NAP1L4: variants seen among roughly 807,000 people sequenced by gnomAD.
NAP1L4 encodes nucleosome assembly protein 1 like 4, also known as nucleosome assembly protein 1-like 4.
Under a neutral mutation model 58.2 loss-of-function variants are expected in NAP1L4, and 15 were observed. The observed-to-expected ratio is 0.26, with a 90% CI of 0.17 to 0.40. The LOEUF (loss-of-function observed/expected upper bound fraction) is 0.40, where lower values mean the gene tolerates loss of function less well. Ranked by LOEUF, NAP1L4 falls within the 10% of genes least tolerant of loss-of-function variation. The probability of loss-of-function intolerance (pLI) is 1.00; values close to 1 mark genes in which losing one functional copy is unlikely to be tolerated. For synonymous variants in NAP1L4, 171 were observed against 155.6 expected (o/e 1.10, Z -0.74); for missense variants, 384 against 451.1 (o/e 0.85, Z 1.35).
At chr11:2,972,946 G>C (rs528024508) in intron 4 of NAP1L4, among the ~76,000 whole-genome samples, 5 of 152,256 alleles carry the variant, frequency 3.3e-5, no homozygotes, top group African/African-American at 9.6e-5. Flanking sequence ...ACTCCAGCCT[G>C]GGAAACAGAG....
Position 2,955,410 on chromosome 11 carries a change from T to G in NAP1L4, c.915+334A>C, listed in dbSNP as rs1846478186. ...AAGCAGAAACGGGGTTTCACCATGT[T>G]GACCAGACTGGTCTTGAACTCCTGA... On this transcript the variant is annotated intron_variant, in intron 11 of 15. Coordinates refer to ENST00000380542, the MANE Select transcript of NAP1L4 (RefSeq NM_005969.4). The surrounding 1 kb of genome is among the most constrained non-coding windows in gnomAD (Gnocchi z 4.2). Among the ~76,000 whole-genome samples, 1 of 152,088 alleles carries G rather than the reference T, an allele frequency of 6.6e-6. No homozygotes were observed. The highest frequency in any genetic ancestry group is 2.1e-4 in the South Asian group (1 of 4,826).
chr11:2,961,810 G>A (rs527400731), intron 8 of NAP1L4, among the ~76,000 whole-genome samples: 1 of 152,138 alleles, frequency 6.6e-6, no homozygotes. Context: ...GGGATTACAG[G>A]CATGAGCTAC....
intron 1 of NAP1L4, among the ~76,000 whole-genome samples, chr11:2,983,131 T>C (rs1254850102): frequency 1.3e-5 from 2 of 152,306 alleles, no homozygotes; most frequent in Non-Finnish European, 2.9e-5. Flanking sequence ...GAAATCCATT[T>C]TGTCTACAAA....
chr11:2,946,287 G>T lies in NAP1L4; in HGVS notation c.*33-641C>A, dbSNP rs529688656. 1.9e-4 allele frequency among the ~76,000 whole-genome samples: 29 copies of T among 152,030 alleles called. No homozygotes were observed. The highest frequency in any genetic ancestry group is 3.7e-4 in the Non-Finnish European group (25 of 68,004). ...TCACTCTCCTAACAGTCTCACCAAG[G>T]GGCAATGCTATCCTTCCAGTAACGG... On this transcript the variant is annotated intron_variant, in intron 15 of 15. Coordinates refer to ENST00000380542, the MANE Select transcript of NAP1L4 (RefSeq NM_005969.4). This position sits in a 1 kb window ranked among gnomAD's most constrained non-coding sequence, Gnocchi z 4.8.
rs1347068622 is a variant in NAP1L4 at position 2,959,327 on chromosome 11, A to C, written c.746+443T>G. Among the ~76,000 whole-genome samples the C allele has an allele frequency of 1.3e-5, 2 of 152,244 alleles. No individual in the cohort carries two copies. Among genetic ancestry groups the C allele is most frequent in the Non-Finnish European group, 2.9e-5 (2 of 68,038 alleles). ...TCTCTTTAGTGATTTATAAAGACTGAAATCAGTGAGTCAAACAACAGCTAT... is the reference window on the plus strand; with the variant it reads ...TCTCTTTAGTGATTTATAAAGACTGCAATCAGTGAGTCAAACAACAGCTAT... On this transcript the variant is annotated intron_variant, in intron 9 of 15. Coordinates refer to ENST00000380542, the MANE Select transcript of NAP1L4 (RefSeq NM_005969.4). The surrounding 1 kb of genome is among the most constrained non-coding windows in gnomAD (Gnocchi z 4.9).
intron 8 of NAP1L4, among the ~76,000 whole-genome samples, chr11:2,964,167 A>G (rs758083829): frequency 3.9e-5 from 6 of 152,168 alleles, no homozygotes; most frequent in Admixed American, 3.3e-4. Context: ...AGATTTCTGA[A>G]TAAGTGCTGA....
rs763672634 is a variant in NAP1L4 at position 2,969,934 on chromosome 11, C to T, written c.403G>A (p.Gly135Arg). 107 of 1,607,004 alleles carry T rather than the reference C, an allele frequency of 6.7e-5. 2 individuals are homozygous for T. In the Middle Eastern group the frequency reaches 6.5e-3, roughly 97 times the overall value. Reference sequence around the variant, plus strand: ...ACGACTACTTTACTTTTCATGTCTCCCTAAAAAAAAGATGCAACATAGGTA... The same window carrying T: ...ACGACTACTTTACTTTTCATGTCTCTCTAAAAAAAAGATGCAACATAGGTA... ...SENEEEEKLAGDMKSKVVVTE... is the reference protein window; with the variant it reads ...SENEEEEKLARDMKSKVVVTE... Residue 135 changes from glycine to arginine, a missense_variant and splice_region_variant, in exon 7 of 16, where the codon GGA becomes AGA. Physicochemically the swap from Gly to Arg is moderately radical, Grantham distance 125 (BLOSUM62 -2). This residue lies in a region of NAP1L4 where 296 missense variants were observed against 360.8 expected (regional missense o/e 0.82). Coordinates refer to ENST00000380542, the MANE Select transcript of NAP1L4 (RefSeq NM_005969.4).
intron 1 of NAP1L4, among the ~76,000 whole-genome samples, chr11:2,979,483 A>C (rs1359687165): frequency 6.6e-6 from 1 of 152,146 alleles, no homozygotes; most frequent in Non-Finnish European, 1.5e-5. Flanking sequence ...CTCATAAAAA[A>C]ATTTCTCGGC....
intron 1 of NAP1L4, among the ~76,000 whole-genome samples, chr11:2,979,552 C>T (rs1167127531): frequency 6.6e-6 from 1 of 152,160 alleles, no homozygotes; most frequent in East Asian, 1.9e-4. Context: ...GTGGGTGGGT[C>T]ACTTGAGCTC....
intron 7 of NAP1L4, among the ~76,000 whole-genome samples, chr11:2,965,670 C>T (rs925672530): frequency 3.3e-5 from 5 of 152,162 alleles, no homozygotes; most frequent in Admixed American, 2.0e-4. Flanking sequence ...GCTGGGACTA[C>T]AGGCACCCGC....
intron 12 of NAP1L4, chr11:2,952,446 A>G (rs1307800802): frequency 2.6e-5 from 4 of 152,808 alleles, no homozygotes; most frequent in African/African-American, 9.6e-5. Flanking sequence ...AAACCACCTT[A>G]TCACTACTGG....
intron 1 of NAP1L4, 70 bp from the exon 2 acceptor site, chr11:2,979,307 C>T: frequency 7.6e-7 from 1 of 1,319,200 alleles, no homozygotes; most frequent in Non-Finnish European, 1.1e-6. Flanking sequence ...ACTTTTTAAA[C>T]AACGGTTATC....
intron 1 of NAP1L4, among the ~76,000 whole-genome samples, chr11:2,980,793 TAACTC>T (rs1469941038): frequency 6.6e-6 from 1 of 152,230 alleles, no homozygotes; most frequent in Non-Finnish European, 1.5e-5. Flanking sequence ...GTCCTGTATT[TAACTC>T]AACTACTTTT....
chr11:2,947,339 G>A (rs903426348), intron 15 of NAP1L4, among the ~76,000 whole-genome samples: 2 of 152,250 alleles, frequency 1.3e-5, no homozygotes, highest in Admixed American at 6.5e-5. Context: ...GACTGCTAGA[G>A]GGAATAGAGT....
At chr11:2,968,459 G>C (rs1205742359) in intron 7 of NAP1L4, among the ~76,000 whole-genome samples, 2 of 152,154 alleles carry the variant, frequency 1.3e-5, no homozygotes, top group African/African-American at 2.4e-5. Flanking sequence ...AGGAAGCTCA[G>C]ATCAGGAAAA....
intron 4 of NAP1L4, 151 bp from the exon 5 acceptor site, chr11:2,972,394 C>A: frequency 1.9e-6 from 1 of 532,064 alleles, no homozygotes; most frequent in South Asian, 5.8e-5. Flanking sequence ...GGACAATACC[C>A]CAACAGGAAA....
intron 12 of NAP1L4, chr11:2,952,786 A>C (rs757230214): frequency 6.6e-6 from 1 of 152,170 alleles, no homozygotes; most frequent in African/African-American, 2.4e-5. Flanking sequence ...TAAGGACAGC[A>C]TTTTGCCCTT....
intron 1 of NAP1L4, among the ~76,000 whole-genome samples, chr11:2,982,108 T>C (rs1043238830): frequency 1.3e-5 from 2 of 152,198 alleles, no homozygotes; most frequent in Non-Finnish European, 1.5e-5. Context: ...TTTTCTGTTA[T>C]ATACCTTTGA....
At chr11:2,969,638 A>G (rs181245001) in intron 7 of NAP1L4, among the ~76,000 whole-genome samples, 165 bp downstream of exon 7, 52 of 152,254 alleles carry the variant, frequency 3.4e-4, no homozygotes, top group African/African-American at 1.1e-3. Context: ...TAAACCATTC[A>G]CTGTGAGATC....
Sources: gnomAD v4.1 joint callset for allele counts (sites outside exome capture counted in the v4.1 genomes callset) on GRCh38, gnomAD v4.1.1 for gene constraint, gnomAD v4.1.1 regional missense constraint, Gnocchi (gnomAD v3.1) non-coding constraint, MANE v1.5 for transcripts, NCBI Gene and HGNC (gene_info 2026-07-23, HGNC 2026-07-21) for gene names.